NRXN1: variants seen among roughly 807,000 people sequenced by gnomAD.
NRXN1 encodes the protein neurexin 1, also known as neurexin-1.
In NRXN1, 39 loss-of-function variants were observed where a neutral mutation model predicts 150.9. The observed-to-expected ratio is 0.26, with a 90% CI of 0.20 to 0.34. The LOEUF (loss-of-function observed/expected upper bound fraction) is 0.34, where lower values mean the gene tolerates loss of function less well. NRXN1 is among the 10% of genes least tolerant of loss of function. The pLI, the probability that NRXN1 is intolerant of heterozygous loss-of-function variation, is 1.00. For synonymous variants in NRXN1, 924 were observed against 757.0 expected (o/e 1.22, Z -3.62); for missense variants, 1,815 against 1,949.9 (o/e 0.93, Z 1.30).
intron 5 of NRXN1, among the ~76,000 whole-genome samples, chr2:50,893,473 T>C (rs1385438660): frequency 1.3e-5 from 2 of 152,148 alleles, no homozygotes; most frequent in East Asian, 1.9e-4. Context: ...GGGTTTAATA[T>C]AGGATTTGGT....
At chr2:50,349,495 T>C (rs1311955987) in intron 17 of NRXN1, among the ~76,000 whole-genome samples, 4 of 152,208 alleles carry the variant, frequency 2.6e-5, no homozygotes, top group African/African-American at 9.6e-5. Context: ...TATTCTGAAT[T>C]TGACATTTCA....
intron 2 of NRXN1, among the ~76,000 whole-genome samples, chr2:50,973,877 G>A (rs1695410833): frequency 6.6e-6 from 1 of 152,022 alleles, no homozygotes; most frequent in Non-Finnish European, 1.5e-5. Flanking sequence ...GGCTTTTGTA[G>A]TGACTGATTC....
chr2:49,950,871 A>G (rs917656195), intron 21 of NRXN1, among the ~76,000 whole-genome samples: 1 of 152,140 alleles, frequency 6.6e-6, no homozygotes, highest in East Asian at 1.9e-4. Context: ...TAAAACAGCC[A>G]CTTTCACATT....
chr2:50,986,186 A>G (rs1185569877), intron 2 of NRXN1, among the ~76,000 whole-genome samples: 2 of 151,730 alleles, frequency 1.3e-5, no homozygotes, highest in Non-Finnish European at 3.0e-5. Context: ...CAAGCAAAAC[A>G]TAGTAATATT....
intron 8 of NRXN1, among the ~76,000 whole-genome samples, chr2:50,612,410 G>A (rs1245373291): frequency 2.6e-5 from 4 of 152,044 alleles, no homozygotes; most frequent in Non-Finnish European, 4.4e-5. Context: ...CTCCCTTTCT[G>A]ATAGGTTTGA....
chr2:50,267,713 A>G (rs1188964545), intron 17 of NRXN1, among the ~76,000 whole-genome samples: 6 of 152,218 alleles, frequency 3.9e-5, no homozygotes, highest in Non-Finnish European at 8.8e-5. Flanking sequence ...CTGGATATTT[A>G]AGACCCCTAT....
chr2:50,171,378 C>T (rs776776945), intron 18 of NRXN1, among the ~76,000 whole-genome samples: 1 of 151,898 alleles, frequency 6.6e-6, no homozygotes, highest in Non-Finnish European at 1.5e-5. Context: ...CATATCAGTT[C>T]TAGACTATTT....
At chr2:50,112,020 GTT>G (rs111618895) in intron 18 of NRXN1, among the ~76,000 whole-genome samples, 5 of 147,476 alleles carry the variant, frequency 3.4e-5, no homozygotes, top group African/African-American at 1.2e-4. Context: ...AATTGTCTGA[GTT>G]TTTTTTTTTC....
intron 21 of NRXN1, among the ~76,000 whole-genome samples, chr2:50,032,815 C>T (rs1689382371): frequency 6.6e-6 from 1 of 151,852 alleles, no homozygotes; most frequent in Non-Finnish European, 1.5e-5. Flanking sequence ...AGAGAGCTGT[C>T]ATCCAAAATT....
chr2:50,293,499 T>C (rs1191682834), intron 17 of NRXN1, among the ~76,000 whole-genome samples: 1 of 152,130 alleles, frequency 6.6e-6, no homozygotes, highest in Non-Finnish European at 1.5e-5. Flanking sequence ...TATGAAGCTA[T>C]GTAGCAAATG....
At chr2:50,255,486 CTA>C (rs2067609860) in intron 17 of NRXN1, among the ~76,000 whole-genome samples, 2 of 152,104 alleles carry the variant, frequency 1.3e-5, no homozygotes, top group South Asian at 4.1e-4. Flanking sequence ...TCAAAAAATT[CTA>C]TCTTTCTAGA....
At chr2:50,690,715 G>T (rs1303920221) in intron 5 of NRXN1, among the ~76,000 whole-genome samples, 1 of 152,174 alleles carries the variant, frequency 6.6e-6, no homozygotes, top group Non-Finnish European at 1.5e-5. Flanking sequence ...TTGTAGCACA[G>T]ACCTGATCAA....
rs190741890 is a variant in NRXN1, at chr2:50,870,261, T to G, written c.832+51608A>C. 7.3e-3 allele frequency among the ~76,000 whole-genome samples: 1,114 copies of G among 152,058 alleles called. 9 individuals are homozygous for G. The highest frequency in any genetic ancestry group is 0.02 in the Middle Eastern group (6 of 294). On this transcript the variant is annotated intron_variant, in intron 5 of 22. Coordinates refer to ENST00000401669, the MANE Select transcript of NRXN1 (RefSeq NM_001330078.2). ...AAACCAAATAACCATAGGTTTAATCTTTTAAACTTCACTTACCCAAGCTTA... is the reference window on the plus strand; with the variant it reads ...AAACCAAATAACCATAGGTTTAATCGTTTAAACTTCACTTACCCAAGCTTA...
At chr2:50,163,045 A>T (rs911639291) in intron 18 of NRXN1, among the ~76,000 whole-genome samples, 1 of 151,726 alleles carries the variant, frequency 6.6e-6, no homozygotes, top group Admixed American at 6.6e-5. Flanking sequence ...AATTTAAAAC[A>T]TTTATCAATT....
chr2:50,542,144 G>A (rs1460159040), intron 9 of NRXN1, among the ~76,000 whole-genome samples: 6 of 152,098 alleles, frequency 3.9e-5, no homozygotes, highest in Non-Finnish European at 8.8e-5. Context: ...AGCCGGGCAC[G>A]GTGGTGCATG....
intron 17 of NRXN1, among the ~76,000 whole-genome samples, chr2:50,426,558 TG>T (rs2084512359): frequency 6.6e-6 from 1 of 152,160 alleles, no homozygotes; most frequent in South Asian, 2.1e-4. Flanking sequence ...TATTTGAGAG[TG>T]GAGAGAAACT....
intron 18 of NRXN1, among the ~76,000 whole-genome samples, chr2:50,152,038 G>A (rs1226965713): frequency 6.6e-6 from 1 of 151,328 alleles, no homozygotes; most frequent in African/African-American, 2.4e-5. Context: ...TTCTTATTGT[G>A]GTATAATATA....
intron 8 of NRXN1, among the ~76,000 whole-genome samples, chr2:50,618,669 A>G (rs1226573891): frequency 6.6e-6 from 1 of 151,866 alleles, no homozygotes; most frequent in African/African-American, 2.4e-5. Flanking sequence ...CTTTGTCTGA[A>G]ACATGCAGAT....
rs116022998 is a variant in NRXN1, at chr2:50,300,494, A to G, written c.3365-63524T>C. On this transcript the variant is annotated intron_variant, in intron 17 of 22. Transcript: ENST00000401669. The stretch of plus-strand genomic sequence containing the variant: ...AATTGTCCCATTAATAAGCTTTCTC[A>G]TTGGCTTCCCTGTCTAGGCAGAATT... Among the ~76,000 whole-genome samples, 971 of 152,248 alleles carry G rather than the reference A, an allele frequency of 6.4e-3. 16 individuals carry two copies. Among genetic ancestry groups the G allele is most frequent in the African/African-American group, 0.022 (933 of 41,558 alleles).
Sources: gnomAD v4.1 joint callset for allele counts (sites outside exome capture counted in the v4.1 genomes callset) on GRCh38, gnomAD v4.1.1 for gene constraint, MANE v1.5 for transcripts, NCBI Gene and HGNC (gene_info 2026-07-23, HGNC 2026-07-21) for gene names.